The following XXYLT1 variants were observed in gnomAD, a reference collection of about 807,000 sequenced individuals.
XXYLT1 encodes the protein UDP-xylose:alpha-xyloside alpha-1,3-xylosyltransferase.
Under a neutral mutation model 28.9 loss-of-function variants are expected in XXYLT1, and 20 were observed. The ratio of observed to expected loss-of-function variants is 0.69; its 90% CI spans 0.49 to 1.00. The LOEUF is 1.00. Ranked by LOEUF, XXYLT1 falls within the 50% of genes least tolerant of loss-of-function variation. The pLI is 0.00. For synonymous variants in XXYLT1, 257 were observed against 253.8 expected (o/e 1.01, Z -0.12); for missense variants, 542 against 560.1 (o/e 0.97, Z 0.33).
intron 3 of XXYLT1, among the ~76,000 whole-genome samples, chr3:195,145,945 G>C (rs79295550): frequency 0.032 from 4,929 of 152,290 alleles, 278 homozygotes; most frequent in African/African-American, 0.11. Flanking sequence ...ATGATCAACA[G>C]TAAGCAGCTC....
At chr3:195,250,418 G>C (rs1466678993) in intron 1 of XXYLT1, among the ~76,000 whole-genome samples, 1 of 152,148 alleles carries the variant, frequency 6.6e-6, no homozygotes, top group Non-Finnish European at 1.5e-5. Context: ...ACAAAAATTA[G>C]CTGGGCGTGG....
intron 2 of XXYLT1, among the ~76,000 whole-genome samples, chr3:195,212,817 G>A (rs528541935): frequency 1.2e-3 from 181 of 152,262 alleles, no homozygotes; most frequent in Middle Eastern, 3.4e-3. Flanking sequence ...GAGGACTGCT[G>A]TTCTAAGGCG....
chr3:195,259,471 G>A lies in XXYLT1; in HGVS notation c.504+11084C>T, dbSNP rs1160530976. 1.2e-5 allele frequency: 7 copies of A among 595,440 alleles called. No homozygotes were observed. The Admixed American group carries it at 2.5e-4, about 22-fold the overall frequency. The allele number at this position is 595,440 out of a possible 1,614,324, so 36.9% of individuals were successfully genotyped here. Reference sequence around the variant, plus strand: ...GAAAGATAAGAGCCCTGGATGGGAAGGCTGTGAGGAAGGGCAGCAGGGAGG... The same window carrying A: ...GAAAGATAAGAGCCCTGGATGGGAAAGCTGTGAGGAAGGGCAGCAGGGAGG... On this transcript the variant is annotated intron_variant, in intron 1 of 3. Coordinates refer to ENST00000310380, the MANE Select transcript of XXYLT1 (RefSeq NM_152531.5).
chr3:195,100,598 C>G (rs570757983), intron 3 of XXYLT1, among the ~76,000 whole-genome samples: 1 of 152,086 alleles, frequency 6.6e-6, no homozygotes, highest in Non-Finnish European at 1.5e-5. Context: ...GCACTCTCCC[C>G]GGCACTCTCC....
chr3:195,243,306 A>G (rs911709316), intron 1 of XXYLT1, among the ~76,000 whole-genome samples: 2 of 151,858 alleles, frequency 1.3e-5, no homozygotes, highest in African/African-American at 4.8e-5. Context: ...ACATGTATAC[A>G]TATGTAACAA....
Position 195,248,264 on chromosome 3 carries a change from G to A in XXYLT1, c.505-21408C>T, listed in dbSNP as rs553583086. On this transcript the variant is annotated intron_variant, in intron 1 of 3. Transcript: ENST00000310380. ...AGATACTACCTCAGGAGGGGCTAAG[G>A]AGAAAAGAAGAAGAAAAAGGAGTTG... Among the ~76,000 whole-genome samples, 3 of 152,278 alleles carry A rather than the reference G, an allele frequency of 2.0e-5. No homozygotes were observed. In the East Asian group the frequency reaches 5.8e-4, roughly 29 times the overall value.
At chr3:195,204,445 C>A (rs1353019152) in intron 2 of XXYLT1, among the ~76,000 whole-genome samples, 1 of 151,588 alleles carries the variant, frequency 6.6e-6, no homozygotes, top group East Asian at 1.9e-4. Flanking sequence ...CTCCCTGACA[C>A]ACACACGCAC....
chr3:195,210,021 A>AAAAGAGAAGACGCT lies in XXYLT1; in HGVS notation c.652+16687_652+16688insAGCGTCTTCTCTTT. On this transcript the variant is annotated intron_variant, in intron 2 of 3. Coordinates refer to ENST00000310380, the MANE Select transcript of XXYLT1 (RefSeq NM_152531.5). The surrounding 1 kb of genome is among the most constrained non-coding windows in gnomAD (Gnocchi z 4.8). ...GCGGCTTGGCAAACACACCAGAGGG[A>AAAAGAGAAGACGCT]CACACAGGGATCTGACACCATCTGG... is the stretch of plus-strand genomic sequence containing the variant. Among the ~76,000 whole-genome samples, 5 of 152,164 alleles carry AAAAGAGAAGACGCT rather than the reference A, an allele frequency of 3.3e-5. No individual in the cohort carries two copies. The highest frequency in any genetic ancestry group is 9.7e-5 in the African/African-American group (4 of 41,444).
intron 3 of XXYLT1, among the ~76,000 whole-genome samples, chr3:195,123,379 G>A (rs1718464247): frequency 6.6e-6 from 1 of 152,132 alleles, no homozygotes; most frequent in Admixed American, 6.5e-5. Context: ...CGGAATTACA[G>A]AGGGCTTAAT....
chr3:195,116,558 G>C (rs1718052778), intron 3 of XXYLT1, among the ~76,000 whole-genome samples: 1 of 152,186 alleles, frequency 6.6e-6, no homozygotes, highest in Non-Finnish European at 1.5e-5. Flanking sequence ...ACACAAGAGA[G>C]AGACAGTAGA....
At chr3:195,186,910 T>C (rs1387378780) in intron 2 of XXYLT1, among the ~76,000 whole-genome samples, 1 of 151,320 alleles carries the variant, frequency 6.6e-6, no homozygotes, top group Admixed American at 6.6e-5. Flanking sequence ...TTTTTTTTTT[T>C]TTGAAACAGA....
intron 1 of XXYLT1, among the ~76,000 whole-genome samples, chr3:195,238,381 G>A (rs754260553): frequency 3.3e-5 from 5 of 152,020 alleles, no homozygotes; most frequent in African/African-American, 9.7e-5. Flanking sequence ...ACCCTGCATC[G>A]CATGGGGGCT....
At position 195,077,860 on chromosome 3, in the gene XXYLT1, G is replaced by A. The variant is rs1715211852; in HGVS notation, c.786-7749C>T. On this transcript the variant is annotated intron_variant, in intron 3 of 3. Transcript: ENST00000310380. This position sits in a 1 kb window ranked among gnomAD's most constrained non-coding sequence, Gnocchi z 4.8. ...ATGCCCTTCTCGAAGGCTTCTCCTGGCCCTCCGCTCCCCGTGCCCAGCCTG... is the reference window on the plus strand; with the variant it reads ...ATGCCCTTCTCGAAGGCTTCTCCTGACCCTCCGCTCCCCGTGCCCAGCCTG... Among the ~76,000 whole-genome samples the A allele has an allele frequency of 6.6e-6, 1 of 152,102 alleles. No homozygotes were observed. Among genetic ancestry groups the A allele is most frequent in the Admixed American group, 6.6e-5 (1 of 15,264 alleles).
intron 3 of XXYLT1, among the ~76,000 whole-genome samples, chr3:195,085,473 C>G (rs1715667754): frequency 6.6e-6 from 1 of 152,248 alleles, no homozygotes; most frequent in Non-Finnish European, 1.5e-5. Context: ...TCTAAGCATG[C>G]CAGCGCATTT....
intron 2 of XXYLT1, among the ~76,000 whole-genome samples, chr3:195,161,124 G>A (rs1720850101): frequency 6.6e-6 from 1 of 152,190 alleles, no homozygotes; most frequent in Non-Finnish European, 1.5e-5. Context: ...CAGGCCCTGG[G>A]AAGGCTTTGC....
chr3:195,119,291 A>C (rs1356197122), intron 3 of XXYLT1, among the ~76,000 whole-genome samples: 1 of 136,040 alleles, frequency 7.4e-6, no homozygotes, highest in African/African-American at 2.8e-5. Flanking sequence ...CTCAAACAAA[A>C]AAAAAAAAAA....
chr3:195,145,499 C>G (rs982569477), intron 3 of XXYLT1, among the ~76,000 whole-genome samples: 1 of 149,130 alleles, frequency 6.7e-6, no homozygotes, highest in African/African-American at 2.5e-5. Context: ...CCTCACTCCA[C>G]GGTGACCGGC....
chr3:195,081,465 C>T (rs1715430552), intron 3 of XXYLT1, among the ~76,000 whole-genome samples: 3 of 152,156 alleles, frequency 2.0e-5, no homozygotes, highest in Admixed American at 1.3e-4. Context: ...CACCTTCCAT[C>T]GGTCTAGGGT....
At chr3:195,175,576 T>G in intron 2 of XXYLT1, 2 of 1,535,598 alleles carry the variant, frequency 1.3e-6, no homozygotes, top group Non-Finnish European at 1.7e-6. Context: ...GGTCTGGGTG[T>G]TTCAGAAGCA....
Sources: allele counts gnomAD v4.1 joint callset (sites outside exome capture counted in the v4.1 genomes callset), GRCh38; gene constraint gnomAD v4.1.1; non-coding constraint Gnocchi (gnomAD v3.1); transcripts MANE v1.5; gene names NCBI Gene and HGNC (gene_info 2026-07-23, HGNC 2026-07-21).